Variants in GRHL2 observed in about 807,000 individuals in gnomAD.
The protein encoded by GRHL2 is grainyhead-like protein 2 homolog.
In GRHL2, 21 loss-of-function variants were observed where a neutral mutation model predicts 83.8. The ratio of observed to expected loss-of-function variants is 0.25; its 90% CI spans 0.18 to 0.36. The LOEUF is 0.36. Among genes scored for constraint, GRHL2 ranks in the 10% least tolerant of loss-of-function variants. The pLI, the probability that GRHL2 is intolerant of heterozygous loss-of-function variation, is 1.00. For synonymous variants in GRHL2, 280 were observed against 278.9 expected (o/e 1.00, Z -0.04); for missense variants, 623 against 781.8 (o/e 0.80, Z 2.42).
At chr8:101,663,055 T>C (rs1813957180) in intron 14 of GRHL2, among the ~76,000 whole-genome samples, 1 of 152,222 alleles carries the variant, frequency 6.6e-6, no homozygotes, top group East Asian at 1.9e-4. Flanking sequence ...GGATGTTTGT[T>C]ATACGCAGTT....
chr8:101,600,617 A>G (rs999498046), intron 8 of GRHL2, among the ~76,000 whole-genome samples: 4 of 152,188 alleles, frequency 2.6e-5, no homozygotes, highest in Non-Finnish European at 5.9e-5. Flanking sequence ...TAGGATGGCC[A>G]CTGAGTCATC....
At chr8:101,522,881 T>G (rs1456752786) in intron 1 of GRHL2, among the ~76,000 whole-genome samples, 1 of 151,818 alleles carries the variant, frequency 6.6e-6, no homozygotes, top group Non-Finnish European at 1.5e-5. Flanking sequence ...ATATACTGAT[T>G]GGGACCACAA....
intron 1 of GRHL2, 26 bp from the exon 2 acceptor site, chr8:101,543,215 A>G (rs753662454): frequency 7.5e-6 from 12 of 1,592,780 alleles, no homozygotes; most frequent in Non-Finnish European, 6.0e-6. Context: ...CTGAAAATGA[A>G]CCTCACATTT....
At position 101,573,682 on chromosome 8, in the gene GRHL2, A is replaced by C; in HGVS notation, c.749A>C (p.Tyr250Ser). 6.2e-7 allele frequency: 1 copy of C among 1,614,188 alleles called. No individual in the cohort carries two copies. The highest frequency in any genetic ancestry group is 8.5e-7 in the Non-Finnish European group (1 of 1,180,038). Residue 250 changes from tyrosine (Y) to serine (S), a missense_variant, in exon 6 of 16, where the codon TAC becomes TCC. Tyr to Ser is a moderately radical substitution (Grantham distance 144). Coordinates refer to ENST00000646743, the MANE Select transcript of GRHL2 (RefSeq NM_024915.4). ...TTCTTTCACAGTGGCACATTTCAGT[A>C]CACCCTGGAAGCCACCAAATCTCTC... ...YDQTSSGTFQ[Y>S]TLEATKSLRQ...
the GRHL2 span, among the ~76,000 whole-genome samples, chr8:101,678,985 C>A: frequency 7.3e-6 from 1 of 137,424 alleles, no homozygotes; most frequent in Non-Finnish European, 1.6e-5. Flanking sequence ...AAAAACAGAA[C>A]AGAAAAACTG....
intron 12 of GRHL2, among the ~76,000 whole-genome samples, chr8:101,642,172 T>C (rs573916612): frequency 7.2e-5 from 11 of 152,344 alleles, no homozygotes; most frequent in Non-Finnish European, 1.5e-4. Flanking sequence ...TTGCCTTGCT[T>C]TGAAAACAAA....
At chr8:101,507,751 A>G (rs1309789976) in intron 1 of GRHL2, among the ~76,000 whole-genome samples, 3 of 147,720 alleles carry the variant, frequency 2.0e-5, no homozygotes, top group African/African-American at 7.5e-5. Context: ...TACTAAGGTC[A>G]ATACTTGAAT....
intron 1 of GRHL2, among the ~76,000 whole-genome samples, chr8:101,509,988 A>T (rs1310947126): frequency 1.3e-5 from 2 of 151,828 alleles, no homozygotes; most frequent in African/African-American, 4.8e-5. Context: ...GCATATTTTT[A>T]TTTATTTATT....
At chr8:101,498,690 G>A (rs564750970) in intron 1 of GRHL2, among the ~76,000 whole-genome samples, 130 of 152,254 alleles carry the variant, frequency 8.5e-4, no homozygotes, top group African/African-American at 2.9e-3. Flanking sequence ...CTGACTTAAG[G>A]GAGATTAGGA....
intron 8 of GRHL2, among the ~76,000 whole-genome samples, chr8:101,601,829 A>G (rs1335804420): frequency 3.9e-5 from 6 of 152,250 alleles, no homozygotes; most frequent in African/African-American, 1.4e-4. Context: ...TCCTGGATAC[A>G]AGTGCAGAAC....
rs76319909 is a variant in GRHL2 at position 101,610,090 on chromosome 8, G to T, written c.1099-9449G>T. Among the ~76,000 whole-genome samples the T allele has an allele frequency of 3.0e-4, 45 of 150,836 alleles. No homozygotes were observed. The East Asian group carries it at 8.3e-3, about 28-fold the overall frequency. ...ATGTGCTGCTTCGCAAGATCTGCTC[G>T]AGTGACAGAGCAGAGCAGGAGAAAC... On this transcript the variant is annotated intron_variant, in intron 8 of 15. Coordinates refer to ENST00000646743, the MANE Select transcript of GRHL2 (RefSeq NM_024915.4).
At chr8:101,556,354 C>T (rs902783691) in intron 3 of GRHL2, among the ~76,000 whole-genome samples, 4 of 152,218 alleles carry the variant, frequency 2.6e-5, no homozygotes, top group South Asian at 4.2e-4. Context: ...AAACAAACAA[C>T]GCAGGCATCA....
At chr8:101,600,534 C>T (rs746346595) in intron 8 of GRHL2, among the ~76,000 whole-genome samples, 5 of 152,184 alleles carry the variant, frequency 3.3e-5, no homozygotes, top group South Asian at 2.1e-4. Context: ...CCTTTCTCAT[C>T]GTTCCCTGTT....
At chr8:101,551,746 C>G (rs965651298) in intron 2 of GRHL2, among the ~76,000 whole-genome samples, 1 of 148,042 alleles carries the variant, frequency 6.8e-6, no homozygotes, top group Non-Finnish European at 1.5e-5. Flanking sequence ...ATGCAGTAGA[C>G]GATTAGATGA....
intron 1 of GRHL2, among the ~76,000 whole-genome samples, chr8:101,517,873 C>T (rs1369924141): frequency 2.0e-5 from 3 of 152,168 alleles, no homozygotes; most frequent in Non-Finnish European, 2.9e-5. Flanking sequence ...TATGAGTGAA[C>T]CTGGGAGAGA....
intron 9 of GRHL2, among the ~76,000 whole-genome samples, chr8:101,625,785 A>G (rs1813068321): frequency 6.6e-6 from 1 of 152,074 alleles, no homozygotes; most frequent in South Asian, 2.1e-4. Flanking sequence ...TAAGTAAAAG[A>G]AAATGGTTGG....
At chr8:101,642,280 G>A (rs1477124235) in intron 12 of GRHL2, among the ~76,000 whole-genome samples, 1 of 152,226 alleles carries the variant, frequency 6.6e-6, no homozygotes, top group Non-Finnish European at 1.5e-5. Context: ...CAAAATAAAT[G>A]TGGTTTATCC....
At chr8:101,505,339 A>G (rs1810315911) in intron 1 of GRHL2, among the ~76,000 whole-genome samples, 1 of 152,170 alleles carries the variant, frequency 6.6e-6, no homozygotes, top group Non-Finnish European at 1.5e-5. Context: ...GCACTTAGGG[A>G]GGCCGAGGCG....
chr8:101,582,828 A>G (rs866131064), intron 7 of GRHL2, among the ~76,000 whole-genome samples: 18 of 152,034 alleles, frequency 1.2e-4, no homozygotes, highest in African/African-American at 4.3e-4. Context: ...TTACAGTTTT[A>G]TTGGGGAGAT....
Sources: allele counts gnomAD v4.1 joint callset (sites outside exome capture counted in the v4.1 genomes callset), GRCh38; gene constraint gnomAD v4.1.1; transcripts MANE v1.5; gene names NCBI Gene and HGNC (gene_info 2026-07-23, HGNC 2026-07-21).